The following PTPN9 variants were observed in gnomAD, a reference collection of about 807,000 sequenced individuals.
PTPN9 encodes tyrosine-protein phosphatase non-receptor type 9.
Under a neutral mutation model 69.8 loss-of-function variants are expected in PTPN9, and 26 were observed. The observed-to-expected ratio is 0.37, with a 90% CI of 0.27 to 0.52. The LOEUF (loss-of-function observed/expected upper bound fraction) is 0.52. Among genes scored for constraint, PTPN9 ranks in the 20% least tolerant of loss-of-function variants. The pLI is 0.91. For synonymous variants in PTPN9, 274 were observed against 272.5 expected, an observed-to-expected ratio of 1.01 and a Z score of -0.05; for missense variants, 549 against 740.3, an observed-to-expected ratio of 0.74 and a Z score of 3.00.
intron 8 of PTPN9, among the ~76,000 whole-genome samples, chr15:75,484,714 A>G (rs948603664): frequency 7.9e-5 from 12 of 152,218 alleles, no homozygotes; most frequent in African/African-American, 2.9e-4. Flanking sequence ...AGGACAAAAG[A>G]AAAGTTTCAA....
intron 9 of PTPN9, among the ~76,000 whole-genome samples, chr15:75,475,969 T>C (rs1459259079): frequency 6.6e-6 from 1 of 152,118 alleles, no homozygotes; most frequent in Non-Finnish European, 1.5e-5. Flanking sequence ...CAAAACCCTG[T>C]CCCTACAAAA....
chr15:75,522,047 C>T (rs6495182), intron 4 of PTPN9, among the ~76,000 whole-genome samples: 49,504 of 151,856 alleles, frequency 0.33, 8,973 homozygotes, highest in Middle Eastern at 0.48. Context: ...CCAAAGATGT[C>T]GAGAGCAGTA....
chr15:75,562,447 G>A (rs1053797097), intron 1 of PTPN9, among the ~76,000 whole-genome samples: 1 of 152,166 alleles, frequency 6.6e-6, no homozygotes, highest in African/African-American at 2.4e-5. Context: ...GTTAAAGGCA[G>A]AGGAAGTGCA....
At chr15:75,472,418 C>T (rs1332197121) in intron 10 of PTPN9, among the ~76,000 whole-genome samples, 1 of 151,376 alleles carries the variant, frequency 6.6e-6, no homozygotes, top group Non-Finnish European at 1.5e-5. Context: ...GCTGAGATTG[C>T]GCCACTGCAC....
intron 7 of PTPN9, among the ~76,000 whole-genome samples, chr15:75,497,149 A>G (rs2074747461): frequency 6.6e-6 from 1 of 152,176 alleles, no homozygotes; most frequent in African/African-American, 2.4e-5. Context: ...AAGGATGCGG[A>G]TTAGAAGGAA....
At position 75,473,750 on chromosome 15, in the gene PTPN9, A is replaced by G. The variant is rs750389235; in HGVS notation, c.1147T>C (p.Tyr383His). 6.3e-7 allele frequency: 1 copy of G among 1,577,892 alleles called. No individual in the cohort carries two copies. Among genetic ancestry groups the G allele is most frequent in the Non-Finnish European group, 8.7e-7 (1 of 1,147,038 alleles). ...IGTQGPLENTYRDFWLMVWEQ... is the reference protein window; with the variant it reads ...IGTQGPLENTHRDFWLMVWEQ... ...CATACCATGAGCCAGAAATCACGAT[A>G]GGTATTCTCCAAAGGACCTGAAATA... Residue 383 changes from tyrosine to histidine, a missense_variant, in exon 10 of 13, where the codon TAT becomes CAT. By Grantham distance (83) the Tyr-to-His change is moderately conservative (BLOSUM62 2). This residue lies in a region of PTPN9 where 457 missense variants were observed against 661.9 expected (regional missense o/e 0.69). Coordinates refer to ENST00000618819, the MANE Select transcript of PTPN9 (RefSeq NM_002833.4).
intron 1 of PTPN9, among the ~76,000 whole-genome samples, chr15:75,532,706 A>G (rs2074968952): frequency 6.6e-6 from 1 of 152,238 alleles, no homozygotes; most frequent in Admixed American, 6.5e-5. Context: ...TGATATTTAC[A>G]GATACAAATA....
chr15:75,553,621 G>A (rs1055165983), intron 1 of PTPN9, among the ~76,000 whole-genome samples: 23 of 151,814 alleles, frequency 1.5e-4, no homozygotes, highest in South Asian at 6.2e-4. Context: ...ACATATTCAC[G>A]TCCCTCAATT....
intron 7 of PTPN9, among the ~76,000 whole-genome samples, chr15:75,498,360 TA>T (rs962317753): frequency 5.9e-5 from 9 of 151,830 alleles, no homozygotes; most frequent in Non-Finnish European, 1.2e-4. Flanking sequence ...AAATGGAGAA[TA>T]GATTAGTGGT....
chr15:75,493,543 T>C (rs2074722931), intron 7 of PTPN9, among the ~76,000 whole-genome samples: 2 of 152,052 alleles, frequency 1.3e-5, no homozygotes, highest in African/African-American at 2.4e-5. Flanking sequence ...GACGGATTAC[T>C]TGAGGTCAGA....
chr15:75,521,908 T>C (rs1000096268), intron 4 of PTPN9, among the ~76,000 whole-genome samples: 2 of 152,154 alleles, frequency 1.3e-5, no homozygotes, highest in Non-Finnish European at 1.5e-5. Context: ...ATTCATCATG[T>C]TGCCCAGGGC....
intron 8 of PTPN9, among the ~76,000 whole-genome samples, chr15:75,485,449 A>G (rs1294323081): frequency 6.8e-6 from 1 of 146,732 alleles, no homozygotes; most frequent in African/African-American, 2.6e-5. Flanking sequence ...GCTCACTGCA[A>G]GCTCCGCTTC....
chr15:75,478,089 T>A (rs988429196), intron 9 of PTPN9, among the ~76,000 whole-genome samples: 2 of 152,056 alleles, frequency 1.3e-5, no homozygotes, highest in Non-Finnish European at 2.9e-5. Context: ...TCCGCCTGCC[T>A]CGGCCTCCCA....
chr15:75,474,473 C>T lies in PTPN9; in HGVS notation c.1130-706G>A, dbSNP rs142182539. On this transcript the variant is annotated intron_variant, in intron 9 of 12. Coordinates refer to ENST00000618819, the MANE Select transcript of PTPN9 (RefSeq NM_002833.4). ...GGTGGAGGTTGCAGTGAGCCAAGAG[C>T]GCACCACTGCACTCCAGCCTGGGCA... 8.2e-3 allele frequency among the ~76,000 whole-genome samples: 1,237 copies of T among 151,758 alleles called. 33 individuals carry two copies. In the East Asian group the frequency reaches 0.1, roughly 13 times the overall value.
intron 1 of PTPN9, among the ~76,000 whole-genome samples, chr15:75,532,701 T>A (rs968081520): frequency 6.6e-6 from 1 of 152,210 alleles, no homozygotes; most frequent in African/African-American, 2.4e-5. Context: ...TGATGTGATA[T>A]TTACAGATAC....
rs1465853910 is a variant in PTPN9 at position 75,464,681 on chromosome 15, T to C, written c.*4088A>G. ...GCCAATGCCTCTTGGCCCAATTCCC[T>C]CTAGGTCTCTGATTTATAAAAGTTT... On this transcript the variant is annotated 3_prime_UTR_variant, in exon 13 of 13. Transcript: ENST00000618819. 1 of 152,148 alleles carries C rather than the reference T, an allele frequency of 6.6e-6. No individual in the cohort carries two copies. Among genetic ancestry groups the C allele is most frequent in the African/African-American group, 2.4e-5 (1 of 41,440 alleles). The allele number at this position is 152,148 out of a possible 1,614,324, so 9.4% of individuals were successfully genotyped here.
At chr15:75,556,036 CAAAAAAAAAAA>C (rs75583219) in intron 1 of PTPN9, among the ~76,000 whole-genome samples, 1 of 43,284 alleles carries the variant, frequency 2.3e-5, no homozygotes, top group Non-Finnish European at 4.6e-5. Flanking sequence ...ACCCCCGTCT[CAAAAAAAAAAA>C]AAAAAAAAAA....
intron 6 of PTPN9, 92 bp downstream of exon 6, chr15:75,508,825 C>G: frequency 1.1e-6 from 1 of 933,886 alleles, no homozygotes; most frequent in South Asian, 1.5e-5. Context: ...CTAGAAGACA[C>G]GCCAGGAGGA....
Position 75,556,007 on chromosome 15 carries a change from C to T in PTPN9, c.63+22707G>A, listed in dbSNP as rs115550344. Reference sequence around the variant, plus strand: ...TGACTGCACCACTTCATTCCAGCCTCGATGACAAACAAAGCGAGACCCCCG... The same window carrying T: ...TGACTGCACCACTTCATTCCAGCCTTGATGACAAACAAAGCGAGACCCCCG... On this transcript the variant is annotated intron_variant, in intron 1 of 12. Transcript: ENST00000618819. 2.8e-3 allele frequency among the ~76,000 whole-genome samples: 371 copies of T among 132,460 alleles called. 1 individual carries two copies. Among genetic ancestry groups the T allele is most frequent in the African/African-American group, 0.01 (355 of 34,074 alleles). 86.9% of individuals were successfully genotyped at this position (132,460 alleles called of 152,430 possible).
Sources: gnomAD v4.1 joint callset for allele counts (sites outside exome capture counted in the v4.1 genomes callset) on GRCh38, gnomAD v4.1.1 for gene constraint, gnomAD v4.1.1 regional missense constraint, MANE v1.5 for transcripts, NCBI Gene and HGNC (gene_info 2026-07-23, HGNC 2026-07-21) for gene names.